WDR41: variants seen among roughly 807,000 people sequenced by gnomAD.
WDR41 encodes the protein WD repeat domain 41.
In WDR41, 63 loss-of-function variants were observed where a neutral mutation model predicts 69.3. The observed-to-expected ratio is 0.91, with a 90% confidence interval of 0.74 to 1.12. The LOEUF is 1.12. WDR41 is among the 50% of genes most tolerant of loss of function. The pLI, the probability that WDR41 is intolerant of heterozygous loss-of-function variation, is 0.00. For synonymous variants in WDR41, 185 were observed against 192.1 expected, an observed-to-expected ratio of 0.96 and a Z score of 0.31; for missense variants, 543 against 534.5, an observed-to-expected ratio of 1.02 and a Z score of -0.16.
chr5:77,552,844 GA>G (rs1377792802), intron 1 of WDR41, among the ~76,000 whole-genome samples: 1 of 152,048 alleles, frequency 6.6e-6, no homozygotes, highest in Non-Finnish European at 1.5e-5. Flanking sequence ...TCCATATGGG[GA>G]AAAAAACCCT....
chr5:77,558,106 A>C (rs912734115), intron 1 of WDR41, among the ~76,000 whole-genome samples: 32 of 148,948 alleles, frequency 2.1e-4, no homozygotes, highest in South Asian at 4.2e-4. Flanking sequence ...AAAAAAAAAA[A>C]AAAAAAAAAA....
rs765785617 is a variant in WDR41 at position 77,598,644 on chromosome 5, C to CTTTTTTTTTTTTTTTTTT, written c.42+21834_42+21835insAAAAAAAAAAAAAAAAAA. Among the ~76,000 whole-genome samples, 4 of 121,358 alleles carry CTTTTTTTTTTTTTTTTTT rather than the reference C, an allele frequency of 3.3e-5. 1 individual carries two copies. Among genetic ancestry groups the CTTTTTTTTTTTTTTTTTT allele is most frequent in the African/African-American group, 1.2e-4 (4 of 34,412 alleles). The allele number at this position is 121,358 out of a possible 152,430, so 79.6% of individuals were successfully genotyped here. A position where few individuals can be genotyped will look rare whatever the true frequency, so the allele number is the denominator to read the frequency against. On this transcript the variant is annotated intron_variant, in intron 1 of 5. Coordinates refer to the WDR41 transcript ENST00000509971. ...GAAGTTATGTGAATCAGTAAGTTTC[C>CTTTTTTTTTTTTTTTTTT]TTTTTTTTTTTGTTTTTTTTGTAGC... is the stretch of plus-strand genomic sequence containing the variant.
chr5:77,598,457 AC>A (rs1370386539), intron 1 of WDR41, among the ~76,000 whole-genome samples: 1 of 152,216 alleles, frequency 6.6e-6, no homozygotes, highest in Non-Finnish European at 1.5e-5. Context: ...AAAGATGCAG[AC>A]AGGAGCTGCT....
At chr5:77,613,949 GA>G (rs960778181) in intron 1 of WDR41, among the ~76,000 whole-genome samples, 1 of 151,898 alleles carries the variant, frequency 6.6e-6, no homozygotes, top group South Asian at 2.1e-4. Flanking sequence ...AAATTTACAA[GA>G]AAAAAACAAA....
At chr5:77,448,299 T>C (rs888231840) in intron 8 of WDR41, among the ~76,000 whole-genome samples, 14 of 152,148 alleles carry the variant, frequency 9.2e-5, no homozygotes, top group Non-Finnish European at 1.9e-4. Flanking sequence ...CTGTGCTGTC[T>C]CCATCCATGG....
chr5:77,436,447 G>A lies in WDR41; in HGVS notation c.1094-53C>T, dbSNP rs1798938877. The A allele has an allele frequency of 4.4e-6, 7 of 1,589,138 alleles. No homozygotes were observed. In the South Asian group the frequency reaches 8.0e-5, roughly 18 times the overall value. Reference sequence around the variant, plus strand: ...CTGTGCTCTGTACTTACAATAACATGAGATCAGAAAAACAAAATTTAAATG... The same window carrying A: ...CTGTGCTCTGTACTTACAATAACATAAGATCAGAAAAACAAAATTTAAATG... On this transcript the variant is annotated intron_variant, in intron 11 of 12. Coordinates refer to ENST00000296679, the MANE Select transcript of WDR41 (RefSeq NM_018268.4).
At chr5:77,502,707 G>A (rs1029731516) in intron 1 of WDR41, among the ~76,000 whole-genome samples, 2 of 152,172 alleles carry the variant, frequency 1.3e-5, no homozygotes, top group Non-Finnish European at 2.9e-5. Context: ...GAGAGCGGGG[G>A]CTGATATTCA....
chr5:77,576,746 A>G (rs1743842835), intron 1 of WDR41, among the ~76,000 whole-genome samples: 1 of 152,156 alleles, frequency 6.6e-6, no homozygotes, highest in South Asian at 2.1e-4. Context: ...GCACAACTAA[A>G]CATGGCAAAT....
At chr5:77,462,269 C>T (rs1436875542) in intron 4 of WDR41, among the ~76,000 whole-genome samples, 2 of 151,936 alleles carry the variant, frequency 1.3e-5, no homozygotes, top group East Asian at 1.9e-4. Flanking sequence ...ATTAGCTGGG[C>T]GTGGTGGCAC....
intron 1 of WDR41, among the ~76,000 whole-genome samples, chr5:77,553,098 AG>A (rs1743326460): frequency 6.6e-6 from 1 of 152,218 alleles, no homozygotes; most frequent in African/African-American, 2.4e-5. Context: ...GAGGATGAAA[AG>A]GAAAACTACA....
chr5:77,561,474 G>A (rs964936147), intron 1 of WDR41, among the ~76,000 whole-genome samples: 5 of 151,958 alleles, frequency 3.3e-5, no homozygotes, highest in African/African-American at 4.8e-5. Flanking sequence ...TAAGTGGGAA[G>A]TAAAAAGGGA....
chr5:77,592,007 T>C (rs912836448), intron 1 of WDR41, among the ~76,000 whole-genome samples: 2 of 152,156 alleles, frequency 1.3e-5, no homozygotes, highest in African/African-American at 4.8e-5. Context: ...TATCTATTTA[T>C]ATTTTTATAT....
intron 1 of WDR41, among the ~76,000 whole-genome samples, chr5:77,515,019 T>G (rs1393329773): frequency 6.6e-6 from 1 of 152,186 alleles, no homozygotes. Context: ...CCAGTAAACT[T>G]TATAAACATT....
chr5:77,490,171 C>T (rs1260905300), intron 1 of WDR41, among the ~76,000 whole-genome samples: 4 of 151,962 alleles, frequency 2.6e-5, no homozygotes, highest in Non-Finnish European at 5.9e-5. Flanking sequence ...ACCACGTTGG[C>T]GAGACTGGTC....
Position 77,584,257 on chromosome 5 carries a change from A to G in WDR41, c.42+36222T>C, listed in dbSNP as rs191159752. Among the ~76,000 whole-genome samples, 404 of 152,292 alleles carry G rather than the reference A, an allele frequency of 2.7e-3. 2 individuals are homozygous for G. Among genetic ancestry groups the G allele is most frequent in the African/African-American group, 9.3e-3 (385 of 41,574 alleles). ...CAGGCAGGGCAATTAAGGAAGAAAA[A>G]GAAATAAAAGACATATAGACTAGAA... is the stretch of plus-strand genomic sequence containing the variant. On this transcript the variant is annotated intron_variant, in intron 1 of 5. Transcript: ENST00000509971.
intron 1 of WDR41, among the ~76,000 whole-genome samples, chr5:77,534,258 T>G (rs1326189864): frequency 6.6e-6 from 1 of 152,140 alleles, no homozygotes; most frequent in Middle Eastern, 3.2e-3. Flanking sequence ...ATAGGTCCTA[T>G]GTAAAAATTA....
rs543685910 is a variant in WDR41, at chr5:77,572,782, C to T, written c.42+47697G>A. The stretch of plus-strand genomic sequence containing the variant: ...ACAATCCTTCAAGCTAGTTGTTTGG[C>T]ATTTATTTCTCAAAATACCTGTTAT... On this transcript the variant is annotated intron_variant, in intron 1 of 5. Coordinates refer to the WDR41 transcript ENST00000509971. 2.0e-5 allele frequency among the ~76,000 whole-genome samples: 3 copies of T among 152,272 alleles called. No individual in the cohort carries two copies. In the East Asian group the frequency reaches 5.8e-4, roughly 29 times the overall value.
chr5:77,617,067 G>A (rs897289101), intron 1 of WDR41, among the ~76,000 whole-genome samples: 1 of 152,132 alleles, frequency 6.6e-6, no homozygotes, highest in South Asian at 2.1e-4. Flanking sequence ...AACTCAGCAC[G>A]AAGCAGGGCA....
chr5:77,558,155 G>A (rs961349387), intron 1 of WDR41, among the ~76,000 whole-genome samples: 2 of 142,284 alleles, frequency 1.4e-5, no homozygotes, highest in Non-Finnish European at 3.0e-5. Flanking sequence ...GTTAAAATGC[G>A]ATTCTTCAAA....
Sources: gnomAD v4.1 joint callset for allele counts (sites outside exome capture counted in the v4.1 genomes callset) on GRCh38, gnomAD v4.1.1 for gene constraint, MANE v1.5 for transcripts, NCBI Gene and HGNC (gene_info 2026-07-23, HGNC 2026-07-21) for gene names.